MSI2: variants seen among roughly 807,000 people sequenced by gnomAD.
MSI2 encodes musashi RNA binding protein 2.
Under a neutral mutation model 45.6 loss-of-function variants are expected in MSI2, and 17 were observed. That is an observed-to-expected ratio of 0.37 (90% CI 0.26 to 0.56). The LOEUF is 0.56. MSI2 is among the 20% of genes least tolerant of loss of function. The pLI, the probability that MSI2 is intolerant of heterozygous loss-of-function variation, is 0.77. For synonymous variants in MSI2, 156 were observed against 158.2 expected (o/e 0.99, Z 0.11); for missense variants, 293 against 444.2 (o/e 0.66, Z 3.06).
intron 6 of MSI2, among the ~76,000 whole-genome samples, chr17:57,438,170 G>A (rs745725968): frequency 7.2e-5 from 11 of 152,178 alleles, no homozygotes; most frequent in Admixed American, 1.3e-4. Flanking sequence ...GCCCGAGCTG[G>A]GGTGCCTGGC....
chr17:57,390,453 C>A (rs2083769481), intron 5 of MSI2, among the ~76,000 whole-genome samples: 1 of 152,214 alleles, frequency 6.6e-6, no homozygotes, highest in Admixed American at 6.5e-5. Flanking sequence ...ACGACCCCCA[C>A]CCCGCAGGCC....
At chr17:57,605,382 G>A (rs943207324) in intron 8 of MSI2, among the ~76,000 whole-genome samples, 5 of 152,318 alleles carry the variant, frequency 3.3e-5, no homozygotes, top group African/African-American at 9.6e-5. Flanking sequence ...TGAGTGGTTC[G>A]CTTGCCCTTC....
chr17:57,401,322 G>C, intron 5 of MSI2, 57 bp from the exon 6 acceptor site: 1 of 1,409,478 alleles, frequency 7.1e-7, no homozygotes, highest in South Asian at 1.2e-5. Context: ...GCAGCCTCTT[G>C]AGCCCTGCTT....
At chr17:57,418,327 TGG>T in intron 6 of MSI2, among the ~76,000 whole-genome samples, 1 of 152,254 alleles carries the variant, frequency 6.6e-6, no homozygotes, top group African/African-American at 2.4e-5. Context: ...TTTAGGGGCA[TGG>T]CTATGCTCAT....
chr17:57,665,946 G>A (rs1208303819), intron 11 of MSI2, among the ~76,000 whole-genome samples: 2 of 152,196 alleles, frequency 1.3e-5, no homozygotes, highest in Non-Finnish European at 2.9e-5. Flanking sequence ...CCTCAGGAGA[G>A]AGGCAGTCCT....
In MSI2 at chr17:57,681,455, A is replaced by G. The variant is rs960092309; in HGVS notation, c.*1938A>G. On this transcript the variant is annotated 3_prime_UTR_variant, in exon 14 of 14. Transcript: ENST00000284073. ...TGAGACACTGAATGCGACATTTATT[A>G]TAAAGAGCTGCTGCACTCCTATTTT... 5.5e-6 allele frequency: 1 copy of G among 180,680 alleles called. No homozygotes were observed. The highest frequency in any genetic ancestry group is 1.2e-5 in the Non-Finnish European group (1 of 84,578). 11.2% of individuals were successfully genotyped at this position (180,680 alleles called of 1,614,324 possible).
At chr17:57,439,920 C>T (rs189742321) in intron 6 of MSI2, among the ~76,000 whole-genome samples, 49 of 152,038 alleles carry the variant, frequency 3.2e-4, no homozygotes, top group Non-Finnish European at 6.2e-4. Flanking sequence ...TCATTGGAAA[C>T]TTCTGTCTGT....
chr17:57,521,143 C>T (rs534078095), intron 6 of MSI2, among the ~76,000 whole-genome samples: 1 of 152,200 alleles, frequency 6.6e-6, no homozygotes, highest in Non-Finnish European at 1.5e-5. Context: ...ACCTTCATCA[C>T]TGCAGTCTTC....
At chr17:57,409,780 G>A (rs1472941819) in intron 6 of MSI2, among the ~76,000 whole-genome samples, 1 of 152,078 alleles carries the variant, frequency 6.6e-6, no homozygotes, top group Non-Finnish European at 1.5e-5. Flanking sequence ...GGGCCAAGGC[G>A]GGCGAATCAT....
intron 7 of MSI2, among the ~76,000 whole-genome samples, chr17:57,567,508 C>T (rs968757995): frequency 1.3e-5 from 2 of 152,232 alleles, no homozygotes; most frequent in African/African-American, 2.4e-5. Flanking sequence ...AGTCCCTGGG[C>T]TGGCAGCTTG....
intron 6 of MSI2, among the ~76,000 whole-genome samples, chr17:57,434,786 T>TA (rs1385232765): frequency 6.6e-6 from 1 of 152,060 alleles, no homozygotes; most frequent in Admixed American, 6.6e-5. Context: ...ACCACATTTT[T>TA]TTTTTATCCA....
At chr17:57,286,974 G>C (rs367854880) in intron 5 of MSI2, among the ~76,000 whole-genome samples, 20 of 152,202 alleles carry the variant, frequency 1.3e-4, no homozygotes, top group East Asian at 1.2e-3. Context: ...GCAAGGCCTA[G>C]GGAGAGGCTG....
intron 5 of MSI2, among the ~76,000 whole-genome samples, chr17:57,380,940 C>A (rs1340794638): frequency 6.6e-6 from 1 of 152,180 alleles, no homozygotes; most frequent in Non-Finnish European, 1.5e-5. Flanking sequence ...GGGTCTTCAG[C>A]AGTCCTGGCC....
At chr17:57,609,065 A>G (rs2144531407) in intron 8 of MSI2, among the ~76,000 whole-genome samples, 2 of 152,286 alleles carry the variant, frequency 1.3e-5, no homozygotes, top group East Asian at 3.9e-4. Flanking sequence ...TGTAGCTGTC[A>G]GGCTCTAGGC....
chr17:57,512,891 G>A (rs2086384938), intron 6 of MSI2, among the ~76,000 whole-genome samples: 1 of 151,538 alleles, frequency 6.6e-6, no homozygotes. Flanking sequence ...CCAGCTCGCT[G>A]AGGATGTAAT....
chr17:57,285,830 C>T, intron 5 of MSI2: 1 of 1,435,418 alleles, frequency 7.0e-7, no homozygotes, highest in Non-Finnish European at 9.1e-7. Context: ...TTAGCCAAGC[C>T]TCCTACCACT....
the MSI2 span, among the ~76,000 whole-genome samples, chr17:57,697,150 A>ACACACATACACACGCACACT: frequency 6.6e-6 from 1 of 150,558 alleles, no homozygotes; most frequent in Non-Finnish European, 1.5e-5. Flanking sequence ...CAGGACACAC[A>ACACACATACACACGCACACT]CACACACACA....
At chr17:57,418,013 G>A (rs1461257078) in intron 6 of MSI2, among the ~76,000 whole-genome samples, 1 of 152,214 alleles carries the variant, frequency 6.6e-6, no homozygotes, top group Non-Finnish European at 1.5e-5. Context: ...TACATAGAGA[G>A]CAGGGCTTGA....
chr17:57,674,196 G>A (rs916195364), intron 11 of MSI2, among the ~76,000 whole-genome samples: 3 of 134,748 alleles, frequency 2.2e-5, no homozygotes, highest in Non-Finnish European at 3.1e-5. Context: ...CCCATCCTCC[G>A]ACCACGTTCA....
Sources: allele counts gnomAD v4.1 joint callset (sites outside exome capture counted in the v4.1 genomes callset), GRCh38; gene constraint gnomAD v4.1.1; transcripts MANE v1.5; gene names NCBI Gene and HGNC (gene_info 2026-07-23, HGNC 2026-07-21).